ALS2CL: variants seen among roughly 807,000 people sequenced by gnomAD.
ALS2CL encodes ALS2 C-terminal-like protein.
A neutral mutation model predicts 127.9 loss-of-function variants in ALS2CL; 112 were observed. The observed-to-expected ratio is 0.88, with a 90% CI of 0.75 to 1.02. ALS2CL has a LOEUF of 1.02. Ranked by LOEUF, ALS2CL falls within the 50% of genes least tolerant of loss-of-function variation. The probability of loss-of-function intolerance (pLI) is 0.00; values close to 1 mark genes in which losing one functional copy is unlikely to be tolerated. For missense variants in ALS2CL, 1,174 were observed against 1,236.7 expected (o/e 0.95, Z 0.76); for synonymous variants, 519 against 527.6 (o/e 0.98, Z 0.22).
chr3:46,690,948 C>T (rs1251981406), intron 1 of ALS2CL, among the ~76,000 whole-genome samples: 1 of 152,228 alleles, frequency 6.6e-6, no homozygotes, highest in Non-Finnish European at 1.5e-5. Context: ...AAGGCCCAGG[C>T]CAGGCATTCC....
Position 46,674,684 on chromosome 3 carries a change from C to T in ALS2CL, c.2311G>A (p.Glu771Lys), listed in dbSNP as rs759017421. ...AGCAGCAGGTAGAGCGTGAAGAGCT[C>T]TGAGTAGAAGCTGGGCAGCATGAGG... ...LPLMLPSFYS[E>K]LFTLYLLLHE... The change falls in exon 21 of 26, where the codon GAG becomes AAG. Residue 771 changes from glutamate (E) to lysine (K), a missense_variant. Coordinates refer to ENST00000318962, the MANE Select transcript of ALS2CL (RefSeq NM_147129.5). 1.9e-6 allele frequency: 3 copies of T among 1,614,082 alleles called. No individual in the cohort carries two copies. Among genetic ancestry groups the T allele is most frequent in the Non-Finnish European group, 2.5e-6 (3 of 1,180,010 alleles).
rs374577160 is a variant in ALS2CL, at chr3:46,673,321, C to T, written c.2472+18G>A. 263 of 1,551,960 alleles carry T rather than the reference C, an allele frequency of 1.7e-4. No homozygotes were observed. Among genetic ancestry groups the T allele is most frequent in the South Asian group, 3.0e-4 (25 of 84,238 alleles). ...ACCTCTGGGGGCCCCTGGCTTGGGGCTCTGGCCTCCCTCTCACCTGATTGC... is the reference window on the plus strand; with the variant it reads ...ACCTCTGGGGGCCCCTGGCTTGGGGTTCTGGCCTCCCTCTCACCTGATTGC... On this transcript the variant is annotated intron_variant, in intron 22 of 25. Transcript: ENST00000318962.
At chr3:46,680,694 C>A (rs1344882558) in intron 13 of ALS2CL, 153 bp from the exon 14 acceptor site, 2 of 653,492 alleles carry the variant, frequency 3.1e-6, no homozygotes, top group Non-Finnish European at 5.3e-6. Flanking sequence ...GAGGTCAGGA[C>A]CCCCAAGAGG....
In ALS2CL at chr3:46,671,485, T is replaced by C. The variant is rs1559453763; in HGVS notation, c.2781+3A>G. 3 of 1,613,838 alleles carry C rather than the reference T, an allele frequency of 1.9e-6. No homozygotes were observed. The highest frequency in any genetic ancestry group is 2.5e-6 in the Non-Finnish European group (3 of 1,179,986). On this transcript the variant is annotated splice_donor_region_variant and intron_variant, in intron 25 of 25. Coordinates refer to ENST00000318962, the MANE Select transcript of ALS2CL (RefSeq NM_147129.5). The stretch of plus-strand genomic sequence containing the variant: ...ACCTCGGTCCACAGCCCCTGTCCCT[T>C]ACCTCCAGGGCTGTGAGCAGGAAGT...
intron 1 of ALS2CL, among the ~76,000 whole-genome samples, chr3:46,690,090 G>A (rs1700067229): frequency 6.6e-6 from 1 of 152,236 alleles, no homozygotes; most frequent in Non-Finnish European, 1.5e-5. Flanking sequence ...AGGCTCATGG[G>A]TGTGAGGGCC....
At chr3:46,676,494 C>A in intron 18 of ALS2CL, 92 bp from the exon 19 acceptor site, 1 of 1,575,998 alleles carries the variant, frequency 6.3e-7, no homozygotes, top group Admixed American at 1.7e-5. Context: ...TCTCCCATCT[C>A]ATACACGAGA....
intron 24 of ALS2CL, 50 bp downstream of exon 24, chr3:46,671,834 G>A: frequency 1.9e-6 from 3 of 1,607,328 alleles, no homozygotes; most frequent in Non-Finnish European, 2.5e-6. Context: ...ATCGTGGTTG[G>A]GGGTGGGACC....
chr3:46,686,495 C>T lies in ALS2CL; in HGVS notation c.535-56G>A, dbSNP rs1699796566. On this transcript the variant is annotated intron_variant, in intron 5 of 25. Coordinates refer to ENST00000318962, the MANE Select transcript of ALS2CL (RefSeq NM_147129.5). This position sits in a 1 kb window ranked among gnomAD's most constrained non-coding sequence, Gnocchi z 4.3. ...AGAGCTTACTGGAATCTTCCCTAGC[C>T]CAGTCCTGGTCCCGGCTGGTGGGGA... is the stretch of plus-strand genomic sequence containing the variant. The T allele has an allele frequency of 1.9e-6, 3 of 1,574,868 alleles. No homozygotes were observed. The South Asian group carries it at 3.6e-5, about 19-fold the overall frequency.
rs1699382579 is a variant in ALS2CL, at chr3:46,681,934, A to G, written c.1175+95T>C. On this transcript the variant is annotated intron_variant, in intron 11 of 25. Transcript: ENST00000318962. This position sits in a 1 kb window ranked among gnomAD's most constrained non-coding sequence, Gnocchi z 4.9. ...CTAAGTTCCTGCTTGAGGTTTGGGA[A>G]TTCAGGATGGGGCCGGGCTGGTGAC... 7.0e-7 allele frequency: 1 copy of G among 1,437,060 alleles called. No homozygotes were observed. The highest frequency in any genetic ancestry group is 1.4e-5 in the African/African-American group (1 of 71,578). 89.0% of individuals were successfully genotyped at this position (1,437,060 alleles called of 1,614,324 possible).
chr3:46,673,200 G>C, intron 22 of ALS2CL, 139 bp downstream of exon 22: 1 of 845,830 alleles, frequency 1.2e-6, no homozygotes. Context: ...AGGTCAGAAT[G>C]ACAGTGTCTC....
chr3:46,674,437 C>A, intron 21 of ALS2CL, 129 bp downstream of exon 21: 8 of 1,239,660 alleles, frequency 6.5e-6, no homozygotes, highest in Non-Finnish European at 9.0e-6. Flanking sequence ...TCCAGCCACA[C>A]CTGAATGCAT....
chr3:46,671,585 C>G lies in ALS2CL; in HGVS notation c.2685-1G>C. On this transcript the variant is annotated splice_acceptor_variant, in intron 24 of 25. Coordinates refer to ENST00000318962, the MANE Select transcript of ALS2CL (RefSeq NM_147129.5). LOFTEE classifies it high-confidence loss of function. ...GATCTCGGCTCCCAGGTGCTGAATT[C>G]TGGAGAACACCGCCCCACCAAGAGA... 1 of 1,613,654 alleles carries G rather than the reference C, an allele frequency of 6.2e-7. No homozygotes were observed. The highest frequency in any genetic ancestry group is 8.5e-7 in the Non-Finnish European group (1 of 1,179,874).
In ALS2CL at chr3:46,688,083, C is replaced by G. The variant is rs1183080281; in HGVS notation, c.302+15G>C. 1.9e-6 allele frequency: 3 copies of G among 1,609,874 alleles called. No individual in the cohort carries two copies. The highest frequency in any genetic ancestry group is 2.5e-6 in the Non-Finnish European group (3 of 1,177,342). On this transcript the variant is annotated intron_variant, in intron 3 of 25. Coordinates refer to ENST00000318962, the MANE Select transcript of ALS2CL (RefSeq NM_147129.5). Reference sequence around the variant, plus strand: ...CACCAGGGATGAGCCCCAGCCCCACCTCCAGTGGTCTTACTCTATGTGGGC... The same window carrying G: ...CACCAGGGATGAGCCCCAGCCCCACGTCCAGTGGTCTTACTCTATGTGGGC...
chr3:46,692,241 G>A lies in ALS2CL; in HGVS notation c.-26+1402C>T, dbSNP rs72899360. On this transcript the variant is annotated intron_variant, in intron 1 of 25. Coordinates refer to ENST00000318962, the MANE Select transcript of ALS2CL (RefSeq NM_147129.5). Reference sequence around the variant, plus strand: ...CTTCATCCTGGAAGTGATGAGGAGAGTGTAAGTGCAGGGGTGAGGCAGCGT... The same window carrying A: ...CTTCATCCTGGAAGTGATGAGGAGAATGTAAGTGCAGGGGTGAGGCAGCGT... 8.0e-3 allele frequency among the ~76,000 whole-genome samples: 1,214 copies of A among 152,294 alleles called. 15 individuals are homozygous for A. The highest frequency in any genetic ancestry group is 0.027 in the African/African-American group (1,140 of 41,560).
At position 46,682,095 on chromosome 3, in the gene ALS2CL, C is replaced by T; in HGVS notation, c.1110-1G>A. The T allele has an allele frequency of 6.2e-7, 1 of 1,613,832 alleles. No individual in the cohort carries two copies. Among genetic ancestry groups the T allele is most frequent in the Non-Finnish European group, 8.5e-7 (1 of 1,179,922 alleles). ...CCCATCCGGCCATTTCAGGGTTCCC[C>T]TGGAACACAGTGGAGGTTCACGAGC... On this transcript the variant is annotated splice_acceptor_variant, in intron 10 of 25. Transcript: ENST00000318962. LOFTEE classifies it high-confidence loss of function.
At chr3:46,685,796 G>T in intron 6 of ALS2CL, 152 bp from the exon 7 acceptor site, 2 of 1,130,690 alleles carry the variant, frequency 1.8e-6, no homozygotes, top group Non-Finnish European at 2.5e-6. Flanking sequence ...AGGCAGAAAT[G>T]CACTGATTAT....
Position 46,681,075 on chromosome 3 carries a change from C to G in ALS2CL, c.1436+171G>C. 1.8e-6 allele frequency: 2 copies of G among 1,106,312 alleles called. No homozygotes were observed. The highest frequency in any genetic ancestry group is 2.6e-5 in the South Asian group (2 of 77,558). The allele number at this position is 1,106,312 out of a possible 1,614,324, so 68.5% of individuals were successfully genotyped here. A position where few individuals can be genotyped will look rare whatever the true frequency, so the allele number is the denominator to read the frequency against. ...GGGGCGACCCTGCAGTCAGCGTGACCAAGATTCGCTCAGCCTGAGCCTCCG... is the reference window on the plus strand; with the variant it reads ...GGGGCGACCCTGCAGTCAGCGTGACGAAGATTCGCTCAGCCTGAGCCTCCG... On this transcript the variant is annotated intron_variant, in intron 13 of 25. Coordinates refer to ENST00000318962, the MANE Select transcript of ALS2CL (RefSeq NM_147129.5). This position sits in a 1 kb window ranked among gnomAD's most constrained non-coding sequence, Gnocchi z 4.9.
chr3:46,671,472 A>G lies in ALS2CL; in HGVS notation c.2781+16T>C, dbSNP rs777649581. On this transcript the variant is annotated intron_variant, in intron 25 of 25. Coordinates refer to ENST00000318962, the MANE Select transcript of ALS2CL (RefSeq NM_147129.5). ...CCAGGGCATTTCCACCTCGGTCCACAGCCCCTGTCCCTTACCTCCAGGGCT... is the reference window on the plus strand; with the variant it reads ...CCAGGGCATTTCCACCTCGGTCCACGGCCCCTGTCCCTTACCTCCAGGGCT... 3.1e-6 allele frequency: 5 copies of G among 1,613,662 alleles called. No homozygotes were observed. In the African/African-American group the frequency reaches 5.3e-5, roughly 17 times the overall value.
At position 46,671,997 on chromosome 3, in the gene ALS2CL, C is replaced by T; in HGVS notation, c.2571G>A (p.Leu857=). 1 of 1,614,110 alleles carries T rather than the reference C, an allele frequency of 6.2e-7. No homozygotes were observed. Among genetic ancestry groups the T allele is most frequent in the South Asian group, 1.1e-5 (1 of 91,086 alleles). ...CCTCAATTTCCCCGTATGTCCTCTCCAGCACCTCCAGCTTCTCCCGTGGGT... is the reference window on the plus strand; with the variant it reads ...CCTCAATTTCCCCGTATGTCCTCTCTAGCACCTCCAGCTTCTCCCGTGGGT... ...TVDPREKLEV[L]ERTYGEIEGT... is the part of the protein sequence containing the mutation. The change falls in exon 24 of 26, where the codon CTG becomes CTA. Residue 857 remains leucine (L), a synonymous_variant. Transcript: ENST00000318962.
Sources: gnomAD v4.1 joint callset for allele counts (sites outside exome capture counted in the v4.1 genomes callset) on GRCh38, gnomAD v4.1.1 for gene constraint, Gnocchi (gnomAD v3.1) non-coding constraint, MANE v1.5 for transcripts, NCBI Gene and HGNC (gene_info 2026-07-23, HGNC 2026-07-21) for gene names.